HECW2: variants seen among roughly 807,000 people sequenced by gnomAD.
The protein encoded by HECW2 is E3 ubiquitin-protein ligase HECW2.
In HECW2, 61 loss-of-function variants were observed where a neutral mutation model predicts 175.2. That is an observed-to-expected ratio of 0.35 (90% CI 0.28 to 0.43). HECW2 has a LOEUF of 0.43. HECW2 is among the 20% of genes least tolerant of loss of function. HECW2 has a pLI of 1.00. For synonymous variants in HECW2, 671 were observed against 731.0 expected, an observed-to-expected ratio of 0.92 and a Z score of 1.32; for missense variants, 1,524 against 2,000.5, an observed-to-expected ratio of 0.76 and a Z score of 4.54.
At chr2:196,354,034 G>A (rs1324158383) in intron 2 of HECW2, among the ~76,000 whole-genome samples, 1 of 152,142 alleles carries the variant, frequency 6.6e-6, no homozygotes, top group African/African-American at 2.4e-5. Flanking sequence ...CCGAATGCAA[G>A]TAATCAAAAG....
At chr2:196,503,315 T>C (rs1173874390) in intron 1 of HECW2, among the ~76,000 whole-genome samples, 2 of 152,032 alleles carry the variant, frequency 1.3e-5, no homozygotes, top group East Asian at 3.9e-4. Context: ...TCCAGGTGCA[T>C]ACATTCCCTT....
chr2:196,293,622 T>C (rs1357409382), intron 13 of HECW2, among the ~76,000 whole-genome samples: 4 of 152,202 alleles, frequency 2.6e-5, no homozygotes, highest in Non-Finnish European at 5.9e-5. Flanking sequence ...AGAACAAACA[T>C]GTTGTGGAGT....
chr2:196,400,472 G>A (rs570451860), intron 2 of HECW2, among the ~76,000 whole-genome samples: 10 of 152,284 alleles, frequency 6.6e-5, no homozygotes, highest in Non-Finnish European at 1.5e-4. Flanking sequence ...ACTGAAACAG[G>A]ATAGCCTAGA....
rs1029264052 is a variant in HECW2 at position 196,219,888 on chromosome 2, T to C, written c.4408+151A>G. On this transcript the variant is annotated intron_variant, in intron 26 of 28. Coordinates refer to ENST00000644978, the MANE Select transcript of HECW2 (RefSeq NM_001348768.2). ...TGAGGTAATTAGGAAAAGAAGAGAATGTACCTTGCCCAAGGTCTCAAGGGA... is the reference window on the plus strand; with the variant it reads ...TGAGGTAATTAGGAAAAGAAGAGAACGTACCTTGCCCAAGGTCTCAAGGGA... 7 of 609,558 alleles carry C rather than the reference T, an allele frequency of 1.1e-5. No homozygotes were observed. The East Asian group carries it at 1.9e-4, about 17-fold the overall frequency. The allele number at this position is 609,558 out of a possible 1,614,324, so 37.8% of individuals were successfully genotyped here. A position where few individuals can be genotyped will look rare whatever the true frequency, so the allele number is the denominator to read the frequency against.
intron 2 of HECW2, among the ~76,000 whole-genome samples, chr2:196,395,945 C>T (rs1694650218): frequency 6.6e-6 from 1 of 152,116 alleles, no homozygotes; most frequent in Admixed American, 6.5e-5. Context: ...CATAGGAGCA[C>T]TATTCACAAT....
intron 2 of HECW2, among the ~76,000 whole-genome samples, chr2:196,395,134 A>G (rs1477031934): frequency 6.6e-6 from 1 of 152,196 alleles, no homozygotes; most frequent in Non-Finnish European, 1.5e-5. Flanking sequence ...GGGGGTATCA[A>G]TACATGAATT....
At chr2:196,218,769 C>T (rs560772945) in intron 26 of HECW2, among the ~76,000 whole-genome samples, 1 of 152,232 alleles carries the variant, frequency 6.6e-6, no homozygotes, top group African/African-American at 2.4e-5. Context: ...ACTTATGTAG[C>T]ATGTCAGAGA....
At chr2:196,433,487 T>C (rs1439392287) in intron 1 of HECW2, 29 bp from the exon 2 acceptor site, 3 of 1,516,620 alleles carry the variant, frequency 2.0e-6, no homozygotes, top group African/African-American at 2.8e-5. Context: ...CATAAAACAT[T>C]AGTGCTACAA....
intron 1 of HECW2, among the ~76,000 whole-genome samples, chr2:196,563,651 G>C (rs1575676409): frequency 6.6e-6 from 1 of 152,214 alleles, no homozygotes; most frequent in South Asian, 2.1e-4. Context: ...AAAGAACACA[G>C]GAACCAGCTT....
At chr2:196,203,937 G>A (rs1686966597) in intron 28 of HECW2, among the ~76,000 whole-genome samples, 2 of 152,070 alleles carry the variant, frequency 1.3e-5, no homozygotes, top group Admixed American at 1.3e-4. Flanking sequence ...ACTACCCTAT[G>A]TACTTCATAT....
intron 8 of HECW2, 154 bp from the exon 9 acceptor site, chr2:196,320,058 A>G: frequency 1.3e-6 from 1 of 762,754 alleles, no homozygotes; most frequent in Admixed American, 2.9e-5. Flanking sequence ...CTACTAAATG[A>G]GGAGACTGCT....
Position 196,252,478 on chromosome 2 carries a change from G to A in HECW2, c.3529+1442C>T, listed in dbSNP as rs112947209. Among the ~76,000 whole-genome samples, 922 of 152,038 alleles carry A rather than the reference G, an allele frequency of 6.1e-3. 8 individuals carry two copies. Among genetic ancestry groups the A allele is most frequent in the African/African-American group, 0.022 (896 of 41,450 alleles). On this transcript the variant is annotated intron_variant, in intron 19 of 28. Transcript: ENST00000644978. ...GTGCAGATCCCTCATGAATGGTTTC[G>A]CACCACTCCCTTGGTGATGAGTGAC... is the stretch of plus-strand genomic sequence containing the variant.
chr2:196,316,350 G>A (rs76076125), intron 10 of HECW2: 10 of 152,090 alleles, frequency 6.6e-5, no homozygotes, highest in Admixed American at 3.3e-4. Flanking sequence ...CCCTTTAAAC[G>A]CGTCCCCTCC....
intron 13 of HECW2, among the ~76,000 whole-genome samples, chr2:196,297,618 C>A (rs761585187): frequency 1.9e-4 from 29 of 152,160 alleles, no homozygotes; most frequent in Non-Finnish European, 4.0e-4. Context: ...GTTTTCAAAA[C>A]ATAGTTAAGT....
chr2:196,533,476 TG>T (rs929955546), intron 1 of HECW2, among the ~76,000 whole-genome samples: 18 of 150,982 alleles, frequency 1.2e-4, no homozygotes, highest in African/African-American at 4.2e-4. Flanking sequence ...TTTGTGTGTG[TG>T]GGGGGGTATC....
chr2:196,502,760 G>A (rs747062545), intron 1 of HECW2, among the ~76,000 whole-genome samples: 57 of 152,114 alleles, frequency 3.7e-4, no homozygotes, highest in Non-Finnish European at 7.1e-4. Context: ...CTCATGTGTG[G>A]TGGGACAGGC....
rs541497950 is a variant in HECW2, at chr2:196,589,778, G to GA, written c.-36+3729dup. ...ACTAGGTCTGCAAACAGGTTTTGTA[G>GA]AAACTGCTCTCCCAAATCAAAGGAT... On this transcript the variant is annotated intron_variant, in intron 1 of 28. Coordinates refer to ENST00000644978, the MANE Select transcript of HECW2 (RefSeq NM_001348768.2). Among the ~76,000 whole-genome samples the GA allele has an allele frequency of 6.0e-4, 91 of 152,326 alleles. No homozygotes were observed. The East Asian group carries it at 9.2e-3, about 15-fold the overall frequency.
At chr2:196,341,407 T>C (rs1692747162) in intron 3 of HECW2, among the ~76,000 whole-genome samples, 1 of 151,780 alleles carries the variant, frequency 6.6e-6, no homozygotes, top group Admixed American at 6.5e-5. Flanking sequence ...ACACTGAAAG[T>C]AAAACCAGCT....
chr2:196,340,117 T>C (rs1448253816), intron 3 of HECW2, among the ~76,000 whole-genome samples: 1 of 152,176 alleles, frequency 6.6e-6, no homozygotes, highest in Non-Finnish European at 1.5e-5. Flanking sequence ...AAATTTCCTT[T>C]CTGCAGATAA....
Sources: allele counts gnomAD v4.1 joint callset (sites outside exome capture counted in the v4.1 genomes callset), GRCh38; gene constraint gnomAD v4.1.1; transcripts MANE v1.5; gene names NCBI Gene and HGNC (gene_info 2026-07-23, HGNC 2026-07-21).